Variants in CUL5 observed in about 807,000 individuals in gnomAD.
CUL5 encodes the protein cullin-5.
Under a neutral mutation model 108.8 loss-of-function variants are expected in CUL5, and 26 were observed. That is an observed-to-expected ratio of 0.24 (90% CI 0.18 to 0.33). CUL5 has a LOEUF of 0.33. Among genes scored for constraint, CUL5 ranks in the 10% least tolerant of loss-of-function variants. The pLI is 1.00. For synonymous variants in CUL5, 334 were observed against 298.0 expected, an observed-to-expected ratio of 1.12 and a Z score of -1.25; for missense variants, 524 against 909.2, an observed-to-expected ratio of 0.58 and a Z score of 5.45.
At chr11:108,059,237 A>G (rs1000680597) in intron 7 of CUL5, among the ~76,000 whole-genome samples, 3 of 152,224 alleles carry the variant, frequency 2.0e-5, no homozygotes, top group Non-Finnish European at 4.4e-5. Context: ...ATAGTCCTGC[A>G]TACCTTAGTA....
intron 7 of CUL5, among the ~76,000 whole-genome samples, chr11:108,069,266 G>C (rs759139516): frequency 2.6e-5 from 4 of 152,064 alleles, no homozygotes; most frequent in African/African-American, 4.8e-5. Context: ...GCAAGACTCT[G>C]TCTCTTAAAC....
chr11:108,097,355 C>T (rs1334938303), intron 16 of CUL5, among the ~76,000 whole-genome samples: 1 of 152,166 alleles, frequency 6.6e-6, no homozygotes, highest in Non-Finnish European at 1.5e-5. Context: ...GAGGAAATAG[C>T]TGGTATATAA....
chr11:108,045,570 G>A (rs989868216), intron 2 of CUL5, among the ~76,000 whole-genome samples: 1 of 152,100 alleles, frequency 6.6e-6, no homozygotes, highest in Non-Finnish European at 1.5e-5. Context: ...GGGTGACAGA[G>A]TATATAACAA....
In CUL5 at chr11:108,048,648, C is replaced by CTTTTTTTTTTT. The variant is rs200991204; in HGVS notation, c.235-1216_235-1206dup. ...ATAGTGGGGAAATAGACTCCACCACCTTTTTTTTTTTTTTTTTTTTTTTTT... is the reference window on the plus strand; with the variant it reads ...ATAGTGGGGAAATAGACTCCACCACCTTTTTTTTTTTTTTTTTTTTTTTTTTTTTTTTTTTT... On this transcript the variant is annotated intron_variant, in intron 3 of 18. Transcript: ENST00000393094. Among the ~76,000 whole-genome samples the CTTTTTTTTTTT allele has an allele frequency of 1.5e-3, 173 of 116,828 alleles. 9 individuals are homozygous for CTTTTTTTTTTT. The highest frequency in any genetic ancestry group is 5.5e-3 in the African/African-American group (142 of 25,822). 76.6% of individuals were successfully genotyped at this position (116,828 alleles called of 152,430 possible).
Position 108,094,869 on chromosome 11 carries a change from A to G in CUL5, c.1625A>G (p.Lys542Arg), listed in dbSNP as rs1294134343. The G allele has an allele frequency of 1.2e-6, 2 of 1,612,766 alleles. No individual in the cohort carries two copies. The highest frequency in any genetic ancestry group is 3.3e-5 in the Admixed American group (2 of 59,830). ...NAGAWSRSSE[K>R]VFVSLPTELE... ...GGCGCCTGGTCAAGAAGTTCTGAGAAAGTCTTTGTCTCACTTCCTACTGAA... is the reference window on the plus strand; with the variant it reads ...GGCGCCTGGTCAAGAAGTTCTGAGAGAGTCTTTGTCTCACTTCCTACTGAA... The change falls in exon 15 of 19, where the codon AAA (lysine) becomes AGA (arginine). Residue 542 changes from lysine (K) to arginine (R), a missense_variant. This residue lies in a region of CUL5 where 64 missense variants were observed against 152.0 expected (regional missense o/e 0.42). Transcript: ENST00000393094.
At chr11:108,095,969 G>A (rs994661532) in intron 16 of CUL5, among the ~76,000 whole-genome samples, 15 of 151,494 alleles carry the variant, frequency 9.9e-5, no homozygotes, top group African/African-American at 2.9e-4. Context: ...GGTGGTGGGC[G>A]CCTGTAATCC....
intron 1 of CUL5, among the ~76,000 whole-genome samples, chr11:108,017,944 T>G: frequency 6.6e-6 from 1 of 152,222 alleles, no homozygotes. Flanking sequence ...GACTATTTTT[T>G]GTTGAATGTT....
chr11:108,070,329 A>G (rs1017440115), intron 8 of CUL5, 140 bp downstream of exon 8: 2 of 541,520 alleles, frequency 3.7e-6, no homozygotes, highest in Non-Finnish European at 3.3e-6. Flanking sequence ...ACTTAAGGAA[A>G]TAGATAAAAT....
chr11:108,083,653 T>TG (rs1408108750), intron 11 of CUL5, among the ~76,000 whole-genome samples: 2 of 152,164 alleles, frequency 1.3e-5, no homozygotes, highest in Admixed American at 6.6e-5. Flanking sequence ...TAGACGAGCA[T>TG]GATGGTGCGT....
intron 7 of CUL5, 68 bp from the exon 8 acceptor site, chr11:108,070,028 T>A: frequency 1.0e-6 from 1 of 964,600 alleles, no homozygotes; most frequent in African/African-American, 1.6e-5. Flanking sequence ...TTGTTTTATT[T>A]TGTGAGTTAG....
chr11:108,079,484 T>C (rs758739109), intron 11 of CUL5, among the ~76,000 whole-genome samples: 4 of 152,232 alleles, frequency 2.6e-5, no homozygotes, highest in Non-Finnish European at 5.9e-5. Context: ...GTTATCTCCT[T>C]ATATACATTC....
rs550206469 is a variant in CUL5 at position 108,068,007 on chromosome 11, C to T, written c.781-2089C>T. Among the ~76,000 whole-genome samples the T allele has an allele frequency of 2.6e-3, 392 of 152,176 alleles. 2 individuals carry two copies. The highest frequency in any genetic ancestry group is 9.0e-3 in the African/African-American group (373 of 41,530). On this transcript the variant is annotated intron_variant, in intron 7 of 18. Transcript: ENST00000393094. ...GCAATGGCACGATCTCGGCTCACTG[C>T]AATCTCTGCCTCCCAGGTTTAAGCA...
chr11:108,076,769 A>AGACT (rs1347973281), intron 10 of CUL5, among the ~76,000 whole-genome samples: 2 of 152,324 alleles, frequency 1.3e-5, no homozygotes, highest in East Asian at 3.9e-4. Context: ...TTATGAAGAT[A>AGACT]GACTATTCAG....
intron 16 of CUL5, among the ~76,000 whole-genome samples, chr11:108,096,345 A>C (rs1864493959): frequency 6.7e-6 from 1 of 150,294 alleles, no homozygotes; most frequent in Non-Finnish European, 1.5e-5. Context: ...AAAAAAAAAA[A>C]ACAAATTAGC....
chr11:108,052,547 C>T (rs1591300381), intron 4 of CUL5, 113 bp from the exon 5 acceptor site: 3 of 920,090 alleles, frequency 3.3e-6, no homozygotes, highest in Non-Finnish European at 1.6e-6. Flanking sequence ...CAGGCGTGAG[C>T]CACTGCACCT....
intron 14 of CUL5, 75 bp from the exon 15 acceptor site, chr11:108,094,737 C>T: frequency 1.7e-6 from 2 of 1,203,522 alleles, no homozygotes; most frequent in Non-Finnish European, 1.2e-6. Flanking sequence ...ATTTTTCACC[C>T]AAAGTTACCC....
At chr11:108,102,409 C>G (rs974208811) in intron 18 of CUL5, among the ~76,000 whole-genome samples, 12 of 152,282 alleles carry the variant, frequency 7.9e-5, no homozygotes, top group East Asian at 1.9e-4. Flanking sequence ...TCACTGCAAC[C>G]TCTGCCTTTC....
At chr11:108,072,203 A>T in intron 8 of CUL5, 129 bp from the exon 9 acceptor site, 2 of 721,848 alleles carry the variant, frequency 2.8e-6, no homozygotes, top group Non-Finnish European at 4.1e-6. Flanking sequence ...AACAACAAAA[A>T]AACGAACAAC....
At position 108,095,722 on chromosome 11, in the gene CUL5, G is replaced by A. The variant is rs531494145; in HGVS notation, c.1905+31G>A. On this transcript the variant is annotated intron_variant, in intron 16 of 18. Coordinates refer to ENST00000393094, the MANE Select transcript of CUL5 (RefSeq NM_003478.6). ...TTTATGTTTTTTTGTTTTTAAGACT[G>A]TATCCTCTCATGTAGCAGGAAATAT... The A allele has an allele frequency of 1.1e-5, 18 of 1,566,164 alleles. No individual in the cohort carries two copies. In the East Asian group the frequency reaches 3.6e-4, roughly 31 times the overall value.
Sources: allele counts gnomAD v4.1 joint callset (sites outside exome capture counted in the v4.1 genomes callset), GRCh38; gene constraint gnomAD v4.1.1; regional missense constraint gnomAD v4.1.1; transcripts MANE v1.5; gene names NCBI Gene and HGNC (gene_info 2026-07-23, HGNC 2026-07-21).